Variants in CACNA1C observed in about 807,000 individuals in gnomAD.
CACNA1C encodes the protein calcium voltage-gated channel subunit alpha1 C.
Under a neutral mutation model 229.0 loss-of-function variants are expected in CACNA1C, and 30 were observed. That is an observed-to-expected ratio of 0.13 (90% confidence interval 0.10 to 0.18). The LOEUF (loss-of-function observed/expected upper bound fraction) is 0.18. CACNA1C is among the 10% of genes least tolerant of loss of function. The probability of loss-of-function intolerance (pLI) is 1.00; values close to 1 mark genes in which losing one functional copy is unlikely to be tolerated. For synonymous variants in CACNA1C, 1,114 were observed against 1,132.5 expected (o/e 0.98, Z 0.33); for missense variants, 1,658 against 2,845.0 (o/e 0.58, Z 9.49).
Position 2,115,331 on chromosome 12 carries a change from C to G in CACNA1C, c.157C>G (p.Gln53Glu), listed in dbSNP as rs1381485373. The change falls in exon 2 of 47, where the codon CAG becomes GAG. Residue 53 changes from glutamine to glutamate, a missense_variant. Physicochemically the swap from Gln to Glu is conservative, Grantham distance 29. This residue lies in a region of CACNA1C where 111 missense variants were observed against 128.0 expected (regional missense o/e 0.87). Transcript: ENST00000399655. ...CACCCCGGGGGCTGCCCTGTCGTGG[C>G]AGGCGGCCATCGACGCAGCCCGGCA... ...IPTPGAALSW[Q>E]AAIDAARQAK... 1 of 1,586,364 alleles carries G rather than the reference C, an allele frequency of 6.3e-7. No individual in the cohort carries two copies. The highest frequency in any genetic ancestry group is 1.8e-5 in the Admixed American group (1 of 55,590).
intron 9 of CACNA1C, among the ~76,000 whole-genome samples, chr12:2,526,570 C>G (rs937810224): frequency 2.0e-5 from 3 of 152,236 alleles, no homozygotes; most frequent in Admixed American, 2.0e-4. Flanking sequence ...GCCATAAACT[C>G]TCCTCCTCCT....
At chr12:2,025,259 C>A (rs1194442423) in intron 1 of CACNA1C, among the ~76,000 whole-genome samples, 1 of 152,192 alleles carries the variant, frequency 6.6e-6, no homozygotes, top group Non-Finnish European at 1.5e-5. Context: ...GAGACATGTT[C>A]CATGGTTCTG....
At chr12:2,090,540 A>G (rs1265932797) in intron 1 of CACNA1C, among the ~76,000 whole-genome samples, 1 of 151,178 alleles carries the variant, frequency 6.6e-6, no homozygotes, top group African/African-American at 2.4e-5. Context: ...CTGGTCTTGA[A>G]CTCCTGACCT....
chr12:2,308,111 C>T (rs2095190227), intron 3 of CACNA1C, among the ~76,000 whole-genome samples: 1 of 152,208 alleles, frequency 6.6e-6, no homozygotes, highest in African/African-American at 2.4e-5. Flanking sequence ...TTATAGGAAT[C>T]ACTCAAACAC....
In CACNA1C at chr12:2,504,686, A is replaced by G. The variant is rs1598337816; in HGVS notation, c.1114-156A>G. On this transcript the variant is annotated intron_variant, in intron 7 of 46. Coordinates refer to ENST00000399655, the MANE Select transcript of CACNA1C (RefSeq NM_000719.7). The surrounding 1 kb of genome is among the most constrained non-coding windows in gnomAD (Gnocchi z 6.8). ...AGCCTCTGTTCAACCACAGATTCTG[A>G]CCCATTGGCCAGGCAGGCTGTTTGG... 9.2e-6 allele frequency: 7 copies of G among 757,058 alleles called. No individual in the cohort carries two copies. The East Asian group carries it at 1.8e-4, about 19-fold the overall frequency. The allele number at this position is 757,058 out of a possible 1,614,324, so 46.9% of individuals were successfully genotyped here. A position where few individuals can be genotyped will look rare whatever the true frequency, so the allele number is the denominator to read the frequency against.
At chr12:2,315,112 C>T (rs555685457) in intron 3 of CACNA1C, among the ~76,000 whole-genome samples, 1 of 152,226 alleles carries the variant, frequency 6.6e-6, no homozygotes, top group East Asian at 1.9e-4. Context: ...AAGGACACGT[C>T]CTCCTCTCTC....
intron 1 of CACNA1C, among the ~76,000 whole-genome samples, chr12:2,102,477 G>A (rs1033856624): frequency 1.3e-5 from 2 of 152,140 alleles, no homozygotes; most frequent in African/African-American, 4.8e-5. Flanking sequence ...TGGCTCTGGG[G>A]CATTCTTCCC....
chr12:2,619,459 T>C (rs2082228745), intron 29 of CACNA1C, among the ~76,000 whole-genome samples: 1 of 152,250 alleles, frequency 6.6e-6, no homozygotes, highest in Admixed American at 6.5e-5. Context: ...TATTCTGTCG[T>C]CTTTCATCCT....
In CACNA1C at chr12:2,126,137, ATC is replaced by A. The variant is rs540135991; in HGVS notation, c.477+5716_477+5717del. Among the ~76,000 whole-genome samples, 4 of 151,046 alleles carry A rather than the reference ATC, an allele frequency of 2.6e-5. 1 individual carries two copies. Among genetic ancestry groups the A allele is most frequent in the Admixed American group, 6.6e-5 (1 of 15,234 alleles). ...CAGAATAGAGTTTTTTTTTTAAAAG[ATC>A]TCTCTCTCATTATTTAAATAAAAGT... On this transcript the variant is annotated intron_variant, in intron 3 of 46. Coordinates refer to ENST00000399655, the MANE Select transcript of CACNA1C (RefSeq NM_000719.7).
chr12:2,435,193 T>C (rs2099122556), intron 3 of CACNA1C, among the ~76,000 whole-genome samples: 1 of 152,176 alleles, frequency 6.6e-6, no homozygotes, highest in Non-Finnish European at 1.5e-5. Context: ...CAGGACCCCA[T>C]TGTGCAGCTC....
intron 9 of CACNA1C, among the ~76,000 whole-genome samples, chr12:2,541,781 T>C (rs2099871084): frequency 6.6e-6 from 1 of 152,184 alleles, no homozygotes. Flanking sequence ...CATCAGGACA[T>C]TACAAAGCTC....
chr12:2,553,082 A>C (rs1013650024), intron 10 of CACNA1C, among the ~76,000 whole-genome samples: 1 of 152,164 alleles, frequency 6.6e-6, no homozygotes, highest in African/African-American at 2.4e-5. Flanking sequence ...CCTGAAACTA[A>C]TTGGAAAATG....
chr12:2,361,169 TAA>T (rs753333345), intron 3 of CACNA1C, among the ~76,000 whole-genome samples: 8 of 142,612 alleles, frequency 5.6e-5, no homozygotes, highest in Admixed American at 2.1e-4. Flanking sequence ...GGTGGTACTT[TAA>T]AAAAAAAAAA....
chr12:2,629,140 C>A (rs973934388), intron 29 of CACNA1C, among the ~76,000 whole-genome samples: 3 of 152,190 alleles, frequency 2.0e-5, no homozygotes, highest in Admixed American at 6.5e-5. Flanking sequence ...AGAATAAAGA[C>A]AACGGTGATG....
At chr12:2,436,555 A>G (rs1267293176) in intron 3 of CACNA1C, among the ~76,000 whole-genome samples, 9 of 152,168 alleles carry the variant, frequency 5.9e-5, no homozygotes, top group Non-Finnish European at 7.3e-5. Flanking sequence ...CATAATTTGA[A>G]CTAAGCATCT....
At chr12:2,429,333 G>A (rs991006357) in intron 3 of CACNA1C, among the ~76,000 whole-genome samples, 2 of 152,238 alleles carry the variant, frequency 1.3e-5, no homozygotes, top group East Asian at 3.9e-4. Flanking sequence ...GTTCAACCCA[G>A]TGCCAGCCTG....
intron 1 of CACNA1C, among the ~76,000 whole-genome samples, chr12:2,033,782 A>G (rs1407635915): frequency 6.6e-6 from 1 of 152,258 alleles, no homozygotes; most frequent in Non-Finnish European, 1.5e-5. Flanking sequence ...CAGCAGATGC[A>G]GCTGCCAATA....
chr12:2,231,195 G>C (rs1204318267), intron 3 of CACNA1C, among the ~76,000 whole-genome samples: 1 of 152,084 alleles, frequency 6.6e-6, no homozygotes, highest in Non-Finnish European at 1.5e-5. Flanking sequence ...TCTTCCTAAG[G>C]CTGGAGACTC....
intron 3 of CACNA1C, among the ~76,000 whole-genome samples, chr12:2,178,701 C>G (rs1170563320): frequency 6.6e-6 from 1 of 152,124 alleles, no homozygotes; most frequent in Non-Finnish European, 1.5e-5. Flanking sequence ...GCTTGAGTAC[C>G]AGATTATTAA....
Sources: allele counts gnomAD v4.1 joint callset (sites outside exome capture counted in the v4.1 genomes callset), GRCh38; gene constraint gnomAD v4.1.1; regional missense constraint gnomAD v4.1.1; non-coding constraint Gnocchi (gnomAD v3.1); transcripts MANE v1.5; gene names NCBI Gene and HGNC (gene_info 2026-07-23, HGNC 2026-07-21).